SCHIP1: variants seen among roughly 807,000 people sequenced by gnomAD.
SCHIP1 encodes schwannomin interacting protein 1, also known as schwannomin-interacting protein 1.
SCHIP1 carries 8 observed loss-of-function variants against 29.7 expected under a neutral mutation model. The ratio of observed to expected loss-of-function variants is 0.27; its 90% CI spans 0.16 to 0.49. The LOEUF is 0.49. Among genes scored for constraint, SCHIP1 ranks in the 20% least tolerant of loss-of-function variants. The pLI, the probability that SCHIP1 is intolerant of heterozygous loss-of-function variation, is 0.99. For synonymous variants in SCHIP1, 76 were observed against 94.9 expected (o/e 0.80, Z 1.16); for missense variants, 193 against 294.6 (o/e 0.66, Z 2.52).
chr3:159,486,882 G>A, the SCHIP1 span, among the ~76,000 whole-genome samples: 1 of 152,328 alleles, frequency 6.6e-6, no homozygotes, highest in African/African-American at 2.4e-5. Context: ...GCCACCTCTA[G>A]CTGCAAGGGA....
intron 6 of SCHIP1, chr3:159,893,433 T>C (rs1218948719): frequency 6.6e-6 from 1 of 152,222 alleles, no homozygotes; most frequent in East Asian, 1.9e-4. Flanking sequence ...ATCCCTTTTT[T>C]GTTAGTTTAA....
the SCHIP1 span, among the ~76,000 whole-genome samples, chr3:159,779,415 C>T: frequency 6.6e-6 from 1 of 151,614 alleles, no homozygotes; most frequent in African/African-American, 2.4e-5. Flanking sequence ...CGCCTGTAAT[C>T]CCAGCACTTT....
At position 159,843,754 on chromosome 3, in the gene SCHIP1, C is replaced by G. The variant is rs565155207; in HGVS notation, c.30+3540C>G. 7.2e-3 allele frequency among the ~76,000 whole-genome samples: 1,002 copies of G among 139,310 alleles called. 7 individuals are homozygous for G. The highest frequency in any genetic ancestry group is 0.027 in the African/African-American group (963 of 36,232). The allele number at this position is 139,310 out of a possible 152,430, so 91.4% of individuals were successfully genotyped here. On this transcript the variant is annotated intron_variant, in intron 1 of 6. Coordinates refer to ENST00000445224, the Ensembl canonical transcript of SCHIP1. ...AGGAGAATGGTGTGAACCCGGGAGG[C>G]AGAGCTTGCAGTGAGCTGAGATCAC...
At chr3:159,875,029 AAAAC>A (rs1337793129) in intron 2 of SCHIP1, among the ~76,000 whole-genome samples, 2 of 149,912 alleles carry the variant, frequency 1.3e-5, no homozygotes, top group Non-Finnish European at 1.5e-5. Flanking sequence ...AAAAAAAAAA[AAAAC>A]AAAAACTATC....
At chr3:159,560,826 G>T in the SCHIP1 span, among the ~76,000 whole-genome samples, 80 of 152,254 alleles carry the variant, frequency 5.3e-4, no homozygotes, top group Middle Eastern at 0.02. Context: ...CTTGCTCATG[G>T]GGTGCTCCGA....
At chr3:159,491,070 A>C in the SCHIP1 span, among the ~76,000 whole-genome samples, 92 of 152,336 alleles carry the variant, frequency 6.0e-4, no homozygotes, top group African/African-American at 2.1e-3. Context: ...AGGTAGGAAG[A>C]CAGTAACATC....
chr3:159,769,816 A>G, the SCHIP1 span, among the ~76,000 whole-genome samples: 4 of 152,260 alleles, frequency 2.6e-5, no homozygotes, highest in African/African-American at 7.2e-5. Context: ...TCAACTGTAC[A>G]TAGTTAAAAT....
chr3:159,321,020 A>G, the SCHIP1 span, among the ~76,000 whole-genome samples: 3 of 152,304 alleles, frequency 2.0e-5, no homozygotes, highest in Non-Finnish European at 4.4e-5. Flanking sequence ...GTTGGAGTGC[A>G]GTGGCACGAT....
chr3:159,843,571 A>G (rs1744480880), intron 1 of SCHIP1, among the ~76,000 whole-genome samples: 1 of 152,094 alleles, frequency 6.6e-6, no homozygotes, highest in Non-Finnish European at 1.5e-5. Flanking sequence ...CTGTAATCCC[A>G]GGACTTTGGG....
the SCHIP1 span, among the ~76,000 whole-genome samples, chr3:159,365,102 C>G: frequency 6.6e-6 from 1 of 152,094 alleles, no homozygotes; most frequent in African/African-American, 2.4e-5. Flanking sequence ...ATGCCTGGAT[C>G]GTGCTGAATT....
chr3:159,477,920 CTTTTTTTTTT>C, the SCHIP1 span, among the ~76,000 whole-genome samples: 1 of 98,302 alleles, frequency 1.0e-5, no homozygotes, highest in African/African-American at 4.0e-5. Flanking sequence ...CATTTTAAAT[CTTTTTTTTTT>C]TTTTTTTTTT....
chr3:159,775,590 A>G, the SCHIP1 span, among the ~76,000 whole-genome samples: 4 of 152,206 alleles, frequency 2.6e-5, no homozygotes, highest in African/African-American at 7.2e-5. Context: ...TGGCTCATCT[A>G]GCACAGGGTG....
chr3:159,592,059 G>T, the SCHIP1 span, among the ~76,000 whole-genome samples: 1 of 151,438 alleles, frequency 6.6e-6, no homozygotes, highest in East Asian at 1.9e-4. Context: ...CTTTTAGTCT[G>T]CTTGGGGTCT....
the SCHIP1 span, among the ~76,000 whole-genome samples, chr3:159,455,669 C>T: frequency 1.3e-5 from 2 of 152,136 alleles, no homozygotes; most frequent in Admixed American, 1.3e-4. Context: ...TAATGATAGG[C>T]CCAATCCTAA....
At chr3:159,318,971 T>A in the SCHIP1 span, among the ~76,000 whole-genome samples, 1 of 152,196 alleles carries the variant, frequency 6.6e-6, no homozygotes, top group East Asian at 1.9e-4. Context: ...GGCAGGGCCT[T>A]GCTCCAAAAT....
chr3:159,595,399 G>A, the SCHIP1 span, among the ~76,000 whole-genome samples: 1 of 152,014 alleles, frequency 6.6e-6, no homozygotes, highest in South Asian at 2.1e-4. Flanking sequence ...GGAGGTGGGG[G>A]GTGAAATGAC....
chr3:159,351,745 C>T, the SCHIP1 span, among the ~76,000 whole-genome samples: 11 of 152,014 alleles, frequency 7.2e-5, no homozygotes, highest in African/African-American at 1.5e-4. Context: ...CACAGCAAGA[C>T]GGGTAGATAA....
chr3:159,612,997 G>A, the SCHIP1 span, among the ~76,000 whole-genome samples: 1 of 152,154 alleles, frequency 6.6e-6, no homozygotes, highest in African/African-American at 2.4e-5. Flanking sequence ...CCAAGTCATT[G>A]TAAATGGAAA....
chr3:159,582,787 T>TATATACAC, the SCHIP1 span, among the ~76,000 whole-genome samples: 1 of 144,138 alleles, frequency 6.9e-6, no homozygotes, highest in Non-Finnish European at 1.5e-5. Context: ...AATATATATA[T>TATATACAC]ACACACACAC....
Sources: gnomAD v4.1 joint callset for allele counts (sites outside exome capture counted in the v4.1 genomes callset) on GRCh38, gnomAD v4.1.1 for gene constraint, MANE v1.5 for transcripts, NCBI Gene and HGNC (gene_info 2026-07-23, HGNC 2026-07-21) for gene names.